The following IL1RAPL1 variants were observed in gnomAD, a reference collection of about 807,000 sequenced individuals.
The protein encoded by IL1RAPL1 is interleukin 1 receptor accessory protein like 1.
Under a neutral mutation model 48.4 loss-of-function variants are expected in IL1RAPL1, and 3 were observed. The observed-to-expected ratio is 0.06, with a 90% confidence interval of 0.03 to 0.16. The LOEUF (loss-of-function observed/expected upper bound fraction) is 0.16. Ranked by LOEUF, IL1RAPL1 falls within the 10% of genes least tolerant of loss-of-function variation. IL1RAPL1 has a pLI of 1.00. For missense variants in IL1RAPL1, 349 were observed against 530.6 expected (o/e 0.66, Z 3.36); for synonymous variants, 185 against 187.7 (o/e 0.99, Z 0.12).
chrX:29,030,223 ATTTTGAGTCCT>A (rs1180456245), intron 2 of IL1RAPL1, among the ~76,000 whole-genome samples: 1 of 111,239 alleles, frequency 9.0e-6, no homozygotes, highest in Non-Finnish European at 1.9e-5. Context: ...TAAGTTGGCT[ATTTTGAGTCCT>A]TTGCCTCTCC....
chrX:28,972,443 A>C (rs1478803545), intron 2 of IL1RAPL1, among the ~76,000 whole-genome samples: 1 of 111,776 alleles, frequency 8.9e-6, no homozygotes, highest in Non-Finnish European at 1.9e-5. Flanking sequence ...CTAAAATTCA[A>C]AACATGTGCT....
chrX:29,284,199 G>A (rs754735851), intron 3 of IL1RAPL1, among the ~76,000 whole-genome samples: 2 of 111,895 alleles, frequency 1.8e-5, no homozygotes, highest in East Asian at 2.8e-4. Context: ...ATCCTGATCA[G>A]CAGCTAACAC....
chrX:29,044,008 A>G (rs992523719), intron 2 of IL1RAPL1, among the ~76,000 whole-genome samples: 1 of 112,118 alleles, frequency 8.9e-6, no homozygotes, highest in Admixed American at 9.5e-5. Flanking sequence ...GGTTATAGCA[A>G]TGCAAGGCTG....
chrX:29,207,155 T>C (rs1449067170), intron 2 of IL1RAPL1, among the ~76,000 whole-genome samples: 3 of 111,961 alleles, frequency 2.7e-5, no homozygotes, highest in South Asian at 3.7e-4. Context: ...GGAATTTTAA[T>C]GTATTCTTCA....
intron 2 of IL1RAPL1, among the ~76,000 whole-genome samples, chrX:28,791,975 A>T (rs1034775983): frequency 9.0e-6 from 1 of 111,708 alleles, no homozygotes. Flanking sequence ...TTAATAGCTC[A>T]ATCTTCATAC....
At chrX:29,134,736 T>C (rs1929090431) in intron 2 of IL1RAPL1, among the ~76,000 whole-genome samples, 1 of 111,504 alleles carries the variant, frequency 9.0e-6, no homozygotes, top group Admixed American at 9.6e-5. Flanking sequence ...CAAATGAGCC[T>C]CCTCTTTCAG....
intron 2 of IL1RAPL1, among the ~76,000 whole-genome samples, chrX:29,106,149 G>A (rs1475400000): frequency 3.6e-5 from 4 of 111,701 alleles, no homozygotes; most frequent in African/African-American, 6.5e-5. Context: ...GAATATGTGC[G>A]AGAACTTTTG....
rs144532413 is a variant in IL1RAPL1 at position 29,802,891 on chromosome X, A to G, written c.779-114573A>G. On this transcript the variant is annotated intron_variant, in intron 6 of 10. Transcript: ENST00000378993. ...TATGTATACATATATGTATATATGT[A>G]TACATATATATGTGTATATATGTGT... Among the ~76,000 whole-genome samples, 314 of 32,665 alleles carry G rather than the reference A, an allele frequency of 9.6e-3. 20 individuals are homozygous for G. Among genetic ancestry groups the G allele is most frequent in the African/African-American group, 0.031 (232 of 7,515 alleles). The allele number at this position is 32,665 out of a possible 115,157, so 28.4% of individuals were successfully genotyped here. A position where few individuals can be genotyped will look rare whatever the true frequency, so the allele number is the denominator to read the frequency against.
intron 2 of IL1RAPL1, among the ~76,000 whole-genome samples, chrX:28,815,133 T>C (rs1383062919): frequency 9.0e-6 from 1 of 110,677 alleles, no homozygotes; most frequent in African/African-American, 3.3e-5. Flanking sequence ...CCCTTGATGC[T>C]CTTCCTTTAT....
chrX:29,052,325 A>G (rs763968279), intron 2 of IL1RAPL1, among the ~76,000 whole-genome samples: 1 of 110,487 alleles, frequency 9.1e-6, no homozygotes, highest in Admixed American at 9.7e-5. Flanking sequence ...ACCATCAACA[A>G]ATCCTCTTAG....
intron 2 of IL1RAPL1, among the ~76,000 whole-genome samples, chrX:29,263,640 C>T (rs1294214399): frequency 1.8e-5 from 2 of 111,437 alleles, no homozygotes; most frequent in Non-Finnish European, 1.9e-5. Flanking sequence ...TGTGGTTTCA[C>T]CTGAAGTAAG....
At chrX:29,848,342 T>C (rs1349731253) in intron 6 of IL1RAPL1, among the ~76,000 whole-genome samples, 1 of 110,990 alleles carries the variant, frequency 9.0e-6, no homozygotes, top group Non-Finnish European at 1.9e-5. Flanking sequence ...GATTCTTCCC[T>C]AATCTTACGT....
chrX:28,750,321 A>C (rs1246700238), intron 1 of IL1RAPL1, among the ~76,000 whole-genome samples: 1 of 111,683 alleles, frequency 9.0e-6, no homozygotes, highest in Non-Finnish European at 1.9e-5. Flanking sequence ...CTTTACTTAA[A>C]AGTGGAAAAA....
intron 3 of IL1RAPL1, among the ~76,000 whole-genome samples, chrX:29,303,139 AG>A (rs1932563529): frequency 9.0e-6 from 1 of 111,537 alleles, no homozygotes; most frequent in Non-Finnish European, 1.9e-5. Flanking sequence ...CATCAGACTG[AG>A]GGTGTCACGT....
chrX:28,875,863 G>A (rs776594633), intron 2 of IL1RAPL1, among the ~76,000 whole-genome samples: 12 of 111,904 alleles, frequency 1.1e-4, no homozygotes, highest in East Asian at 2.8e-4. Flanking sequence ...TTTGAAATGC[G>A]TGAATTCTTG....
intron 2 of IL1RAPL1, among the ~76,000 whole-genome samples, chrX:29,073,118 A>G (rs1413440320): frequency 6.3e-5 from 7 of 111,791 alleles, no homozygotes; most frequent in Non-Finnish European, 1.1e-4. Context: ...GGAGATATGT[A>G]TCTCCCTCAC....
chrX:28,747,184 C>T (rs925675746), intron 1 of IL1RAPL1, among the ~76,000 whole-genome samples: 2 of 111,247 alleles, frequency 1.8e-5, no homozygotes, highest in Non-Finnish European at 3.8e-5. Context: ...ATTGTTACCC[C>T]TCCCATTAGT....
At chrX:28,801,311 T>C (rs1936672576) in intron 2 of IL1RAPL1, among the ~76,000 whole-genome samples, 1 of 111,737 alleles carries the variant, frequency 8.9e-6, no homozygotes, top group Non-Finnish European at 1.9e-5. Flanking sequence ...GATATAATAG[T>C]ATAGATAAAA....
Position 29,741,855 on chromosome X carries a change from A to G in IL1RAPL1, c.778+73351A>G, listed in dbSNP as rs776625601. 1.0e-4 allele frequency among the ~76,000 whole-genome samples: 10 copies of G among 98,246 alleles called. 1 individual carries two copies. In the South Asian group the frequency reaches 5.7e-3, roughly 56 times the overall value. 85.3% of individuals were successfully genotyped at this position (98,246 alleles called of 115,157 possible). A position where few individuals can be genotyped will look rare whatever the true frequency, so the allele number is the denominator to read the frequency against. ...CAGGAGAATCGCCTGAACCTGGGAG[A>G]TGAAGGTTGCAGTAGGCTGAGATCA... On this transcript the variant is annotated intron_variant, in intron 6 of 10. Transcript: ENST00000378993.
Sources: allele counts gnomAD v4.1 joint callset (sites outside exome capture counted in the v4.1 genomes callset), GRCh38; gene constraint gnomAD v4.1.1; transcripts MANE v1.5; gene names NCBI Gene and HGNC (gene_info 2026-07-23, HGNC 2026-07-21).